PTPRO: variants seen among roughly 807,000 people sequenced by gnomAD.
The protein encoded by PTPRO is protein tyrosine phosphatase receptor type O, also known as receptor-type tyrosine-protein phosphatase O.
In PTPRO, 62 loss-of-function variants were observed where a neutral mutation model predicts 145.2. The ratio of observed to expected loss-of-function variants is 0.43; its 90% CI spans 0.35 to 0.53. The LOEUF (loss-of-function observed/expected upper bound fraction) is 0.53, where lower values mean the gene tolerates loss of function less well. PTPRO is among the 20% of genes least tolerant of loss of function. PTPRO has a pLI of 0.01. For missense variants in PTPRO, 1,345 were observed against 1,482.7 expected, an observed-to-expected ratio of 0.91 and a Z score of 1.53; for synonymous variants, 565 against 514.7, an observed-to-expected ratio of 1.10 and a Z score of -1.32.
At chr12:15,349,016 A>G (rs1047664352) in intron 1 of PTPRO, among the ~76,000 whole-genome samples, 5 of 152,236 alleles carry the variant, frequency 3.3e-5, no homozygotes, top group Non-Finnish European at 5.9e-5. Flanking sequence ...TTCTTAATTA[A>G]TGTCTCTTTT....
chr12:15,452,078 A>G (rs1331998893), intron 1 of PTPRO, among the ~76,000 whole-genome samples: 12 of 152,186 alleles, frequency 7.9e-5, no homozygotes, highest in Admixed American at 7.2e-4. Flanking sequence ...AAGGATAAAT[A>G]AAACTGATAG....
rs114962563 is a variant in PTPRO, at chr12:15,492,875, A to G, written c.350-4370A>G. Reference sequence around the variant, plus strand: ...GCTTAAGAATTCATGAAAAAGAAGGAGGGAATGGTGGGCACAATATTTGGA... The same window carrying G: ...GCTTAAGAATTCATGAAAAAGAAGGGGGGAATGGTGGGCACAATATTTGGA... On this transcript the variant is annotated intron_variant, in intron 2 of 26. Transcript: ENST00000281171. Among the ~76,000 whole-genome samples, 411 of 152,220 alleles carry G rather than the reference A, an allele frequency of 2.7e-3. 2 individuals carry two copies. The highest frequency in any genetic ancestry group is 8.1e-3 in the African/African-American group (337 of 41,556).
chr12:15,397,378 A>G (rs1016754231), intron 1 of PTPRO, among the ~76,000 whole-genome samples: 17 of 152,224 alleles, frequency 1.1e-4, no homozygotes, highest in African/African-American at 3.4e-4. Flanking sequence ...AACTCATTTT[A>G]TAGACAATAC....
intron 1 of PTPRO, among the ~76,000 whole-genome samples, chr12:15,378,209 G>A (rs1938744782): frequency 6.6e-6 from 1 of 151,720 alleles, no homozygotes; most frequent in South Asian, 2.1e-4. Flanking sequence ...AACCAAACTT[G>A]GTTTTTTTGA....
chr12:15,554,746 T>A (rs10846207), intron 15 of PTPRO, among the ~76,000 whole-genome samples: 55,841 of 151,948 alleles, frequency 0.37, 10,322 homozygotes, highest in Middle Eastern at 0.5. Flanking sequence ...CACTGACTCA[T>A]ATGTTAATCT....
chr12:15,472,442 C>T (rs1169709503), intron 1 of PTPRO, among the ~76,000 whole-genome samples: 1 of 152,214 alleles, frequency 6.6e-6, no homozygotes, highest in Non-Finnish European at 1.5e-5. Context: ...GTGTCTTGGT[C>T]TTGGGTCACC....
intron 2 of PTPRO, among the ~76,000 whole-genome samples, chr12:15,490,891 C>T (rs1010829046): frequency 1.3e-5 from 2 of 152,062 alleles, no homozygotes; most frequent in Admixed American, 1.3e-4. Context: ...ACCGTACAGA[C>T]ATTGAAATTT....
chr12:15,592,831 A>G (rs1455255078), intron 25 of PTPRO, among the ~76,000 whole-genome samples: 1 of 152,194 alleles, frequency 6.6e-6, no homozygotes, highest in East Asian at 1.9e-4. Context: ...CCTCTCTTCT[A>G]TTTTTATCGA....
chr12:15,592,408 C>T (rs1944572768), intron 25 of PTPRO, among the ~76,000 whole-genome samples: 1 of 152,132 alleles, frequency 6.6e-6, no homozygotes, highest in South Asian at 2.1e-4. Context: ...TATTTCCTCC[C>T]ATCACTGGTA....
At chr12:15,497,162 A>G in intron 2 of PTPRO, 83 bp from the exon 3 acceptor site, 1 of 1,281,714 alleles carries the variant, frequency 7.8e-7, no homozygotes, top group Admixed American at 1.7e-5. Context: ...TGGTAGGTGT[A>G]ATCCTTGCTT....
intron 1 of PTPRO, among the ~76,000 whole-genome samples, chr12:15,366,745 T>C (rs1565589108): frequency 6.6e-6 from 1 of 152,194 alleles, no homozygotes; most frequent in Non-Finnish European, 1.5e-5. Flanking sequence ...TGTGTTTGTG[T>C]GTAGGTTCTG....
At chr12:15,512,721 C>T (rs890028902) in intron 7 of PTPRO, among the ~76,000 whole-genome samples, 15 of 152,246 alleles carry the variant, frequency 9.9e-5, no homozygotes, top group Non-Finnish European at 1.3e-4. Flanking sequence ...AGGCCAGGCA[C>T]GGCGGTTCAC....
rs970362412 is a variant in PTPRO, at chr12:15,595,064, G to C, written c.*16+7G>C. 2 of 1,561,018 alleles carry C rather than the reference G, an allele frequency of 1.3e-6. No homozygotes were observed. The highest frequency in any genetic ancestry group is 3.3e-5 in the Admixed American group (2 of 59,862). On this transcript the variant is annotated splice_region_variant and intron_variant, in intron 26 of 26. Transcript: ENST00000281171. ...TAGTTCAGAATCCGGAGCAGTAAGT[G>C]GAGAAGAGCTCTCCACGAGTGCTCA... is the stretch of plus-strand genomic sequence containing the variant.
At chr12:15,343,694 A>AAT (rs1453505573) in intron 1 of PTPRO, among the ~76,000 whole-genome samples, 3 of 152,130 alleles carry the variant, frequency 2.0e-5, no homozygotes, top group Admixed American at 6.5e-5. Context: ...CTCAAAAATA[A>AAT]ATATATATAT....
chr12:15,361,232 T>C (rs988074669), intron 1 of PTPRO, among the ~76,000 whole-genome samples: 2 of 151,038 alleles, frequency 1.3e-5, no homozygotes, highest in African/African-American at 4.9e-5. Context: ...GGTTAGGAGA[T>C]CAAGACCAGC....
Position 15,540,134 on chromosome 12 carries a change from C to T in PTPRO, c.2165-6435C>T, listed in dbSNP as rs908881009. On this transcript the variant is annotated intron_variant, in intron 12 of 26. Coordinates refer to ENST00000281171, the MANE Select transcript of PTPRO (RefSeq NM_030667.3). Reference sequence around the variant, plus strand: ...AATTTCTATACCTCTTGTTTATTTTCCTTTCAGACAGTGCTTTCTTTTGCA... The same window carrying T: ...AATTTCTATACCTCTTGTTTATTTTTCTTTCAGACAGTGCTTTCTTTTGCA... Among the ~76,000 whole-genome samples the T allele has an allele frequency of 2.6e-5, 4 of 152,112 alleles. No homozygotes were observed. The East Asian group carries it at 7.7e-4, about 29-fold the overall frequency.
intron 8 of PTPRO, 124 bp downstream of exon 8, chr12:15,515,742 GCT>G (rs1942563463): frequency 1.2e-5 from 15 of 1,241,358 alleles, no homozygotes; most frequent in Non-Finnish European, 1.7e-5. Flanking sequence ...CATCCAATAT[GCT>G]ACCTTCAGAG....
chr12:15,541,086 G>A (rs1212515918), intron 12 of PTPRO, among the ~76,000 whole-genome samples: 1 of 152,042 alleles, frequency 6.6e-6, no homozygotes, highest in Non-Finnish European at 1.5e-5. Context: ...ATATACATAG[G>A]TACTCACACC....
intron 3 of PTPRO, among the ~76,000 whole-genome samples, chr12:15,497,631 T>C (rs1942134767): frequency 6.6e-6 from 1 of 152,218 alleles, no homozygotes; most frequent in Admixed American, 6.5e-5. Context: ...TGAGAAATAC[T>C]CTCATTATTG....
Sources: allele counts gnomAD v4.1 joint callset (sites outside exome capture counted in the v4.1 genomes callset), GRCh38; gene constraint gnomAD v4.1.1; transcripts MANE v1.5; gene names NCBI Gene and HGNC (gene_info 2026-07-23, HGNC 2026-07-21).